The following FBXL2 variants were observed in gnomAD, a reference collection of about 807,000 sequenced individuals.
FBXL2 encodes F-box/LRR-repeat protein 2.
In FBXL2, 38 loss-of-function variants were observed where a neutral mutation model predicts 69.2. The ratio of observed to expected loss-of-function variants is 0.55; its 90% CI spans 0.42 to 0.72. The LOEUF (loss-of-function observed/expected upper bound fraction) is 0.72. Among genes scored for constraint, FBXL2 ranks in the 30% least tolerant of loss-of-function variants. FBXL2 has a pLI of 0.00. For synonymous variants in FBXL2, 192 were observed against 201.3 expected (o/e 0.95, Z 0.39); for missense variants, 354 against 520.3 (o/e 0.68, Z 3.11).
chr3:33,329,975 TTTTG>T (rs1427191941), intron 2 of FBXL2, among the ~76,000 whole-genome samples: 5 of 151,124 alleles, frequency 3.3e-5, no homozygotes, highest in South Asian at 2.1e-4. Context: ...AGACCCTGTT[TTTTG>T]TTTGTTTGTT....
At chr3:33,334,939 C>A (rs1215761382) in intron 2 of FBXL2, among the ~76,000 whole-genome samples, 1 of 150,822 alleles carries the variant, frequency 6.6e-6, no homozygotes, top group Admixed American at 6.6e-5. Context: ...CTCCCCCCAC[C>A]AAAAAAAATA....
intron 12 of FBXL2, chr3:33,396,820 T>A (rs1467661137): frequency 1.5e-6 from 1 of 669,814 alleles, no homozygotes; most frequent in Non-Finnish European, 2.7e-6. Flanking sequence ...TGTGCATTTC[T>A]ACCAGTCTTA....
At chr3:33,408,178 T>C (rs996404197), downstream of FBXL2, among the ~76,000 whole-genome samples, 2 of 152,180 alleles carry the variant, frequency 1.3e-5, no homozygotes, top group Non-Finnish European at 2.9e-5. Context: ...GACACACATT[T>C]TTATACTACA....
chr3:33,297,580 T>G (rs1364452371), intron 1 of FBXL2, 84 bp from the exon 2 acceptor site: 29 of 786,208 alleles, frequency 3.7e-5, no homozygotes, highest in Non-Finnish European at 5.9e-5. Flanking sequence ...GGGGCCGTTC[T>G]GATCTAGTAG....
At chr3:33,324,514 T>G (rs2038519563) in intron 2 of FBXL2, among the ~76,000 whole-genome samples, 2 of 152,242 alleles carry the variant, frequency 1.3e-5, no homozygotes, top group Admixed American at 6.5e-5. Context: ...TTCAGTTTTC[T>G]GCATATGGCT....
At chr3:33,332,273 G>T (rs1044560764) in intron 2 of FBXL2, among the ~76,000 whole-genome samples, 2 of 152,218 alleles carry the variant, frequency 1.3e-5, no homozygotes, top group Admixed American at 6.5e-5. Flanking sequence ...CAATGGAAAT[G>T]TAAACCTAGA....
intron 1 of FBXL2, among the ~76,000 whole-genome samples, chr3:33,280,928 T>C (rs1260163157): frequency 6.6e-6 from 1 of 152,184 alleles, no homozygotes; most frequent in African/African-American, 2.4e-5. Context: ...GACTTTCCTA[T>C]TTTGACACTT....
chr3:33,421,755 A>C, the FBXL2 span, among the ~76,000 whole-genome samples: 2 of 152,222 alleles, frequency 1.3e-5, no homozygotes, highest in African/African-American at 4.8e-5. Flanking sequence ...CTTCATCAAG[A>C]ATGACCATTT....
Position 33,385,757 on chromosome 3 carries a change from A to C in FBXL2, c.*149A>C. On this transcript the variant is annotated 3_prime_UTR_variant, in exon 15 of 15. Transcript: ENST00000484457. Reference sequence around the variant, plus strand: ...AAAGACTTCTGTATGGATTGCAGTTACTCTGGTGATAGTTTTCACCTTTAT... The same window carrying C: ...AAAGACTTCTGTATGGATTGCAGTTCCTCTGGTGATAGTTTTCACCTTTAT... 1 of 643,580 alleles carries C rather than the reference A, an allele frequency of 1.6e-6. No individual in the cohort carries two copies. The highest frequency in any genetic ancestry group is 2.8e-6 in the Non-Finnish European group (1 of 360,382). 39.9% of individuals were successfully genotyped at this position (643,580 alleles called of 1,614,324 possible).
At chr3:33,304,602 G>A (rs2036563366) in intron 2 of FBXL2, among the ~76,000 whole-genome samples, 1 of 151,992 alleles carries the variant, frequency 6.6e-6, no homozygotes, top group Non-Finnish European at 1.5e-5. Context: ...TAAGAGCAGT[G>A]CTGCTTTGGA....
intron 4 of FBXL2, among the ~76,000 whole-genome samples, chr3:33,363,225 C>T (rs113163810): frequency 2.0e-5 from 3 of 152,022 alleles, no homozygotes; most frequent in Admixed American, 2.0e-4. Flanking sequence ...ATCTTTAGTA[C>T]AGAAAGGGTT....
At chr3:33,392,721 G>T, downstream of FBXL2, 1 of 1,021,016 alleles carries the variant, frequency 9.8e-7, no homozygotes, top group African/African-American at 1.6e-5. Context: ...AGGACTCAAT[G>T]GCCAAAACGA....
chr3:33,314,903 T>G (rs2037538129), intron 2 of FBXL2, among the ~76,000 whole-genome samples: 1 of 152,210 alleles, frequency 6.6e-6, no homozygotes, highest in African/African-American at 2.4e-5. Context: ...TTTTAAAAAA[T>G]GTCTGCCAAG....
intron 4 of FBXL2, among the ~76,000 whole-genome samples, chr3:33,362,548 C>T (rs2041698298): frequency 6.6e-6 from 1 of 152,118 alleles, no homozygotes; most frequent in Admixed American, 6.5e-5. Flanking sequence ...TATTCCAGTA[C>T]AAGAACTTTG....
At chr3:33,304,088 A>G (rs2036513668) in intron 2 of FBXL2, among the ~76,000 whole-genome samples, 1 of 152,050 alleles carries the variant, frequency 6.6e-6, no homozygotes, top group African/African-American at 2.4e-5. Flanking sequence ...ACTAACATAT[A>G]TTTGCAAAAG....
intron 12 of FBXL2, chr3:33,396,478 T>A (rs2044001067): frequency 2.0e-6 from 1 of 506,682 alleles, no homozygotes; most frequent in Non-Finnish European, 3.5e-6. Flanking sequence ...TCTAATATGA[T>A]GATCCAGACT....
At chr3:33,363,779 C>A (rs1255644231) in intron 4 of FBXL2, among the ~76,000 whole-genome samples, 1 of 152,054 alleles carries the variant, frequency 6.6e-6, no homozygotes, top group Non-Finnish European at 1.5e-5. Context: ...ATTAAATGAG[C>A]CATAATAGGT....
At position 33,386,914 on chromosome 3, in the gene FBXL2, AAAAGTG is replaced by A. The variant is rs1485449459; in HGVS notation, c.*1310_*1315del. ...AAGGGCCAGAGCTCATGAGAAACTT[AAAAGTG>A]AAACGGCAAAAGCAAGATGTGTTCC... On this transcript the variant is annotated 3_prime_UTR_variant, in exon 15 of 15. Transcript: ENST00000484457. The A allele has an allele frequency of 6.6e-6, 1 of 152,254 alleles. No homozygotes were observed. The highest frequency in any genetic ancestry group is 2.4e-5 in the African/African-American group (1 of 41,476). The allele number at this position is 152,254 out of a possible 1,614,324, so 9.4% of individuals were successfully genotyped here. A position where few individuals can be genotyped will look rare whatever the true frequency, so the allele number is the denominator to read the frequency against.
At chr3:33,336,897 C>T (rs944849853) in intron 2 of FBXL2, among the ~76,000 whole-genome samples, 3 of 149,402 alleles carry the variant, frequency 2.0e-5, no homozygotes, top group Non-Finnish European at 3.0e-5. Context: ...GAGCTAGACT[C>T]TGTCTCAAAA....
Sources: gnomAD v4.1 joint callset for allele counts (sites outside exome capture counted in the v4.1 genomes callset) on GRCh38, gnomAD v4.1.1 for gene constraint, MANE v1.5 for transcripts, NCBI Gene and HGNC (gene_info 2026-07-23, HGNC 2026-07-21) for gene names.